Variants in KCNIP4 observed in about 807,000 individuals in gnomAD.
The protein encoded by KCNIP4 is potassium voltage-gated channel interacting protein 4, also known as Kv channel-interacting protein 4.
KCNIP4 carries 12 observed loss-of-function variants against 34.0 expected under a neutral mutation model. The ratio of observed to expected loss-of-function variants is 0.35; its 90% CI spans 0.23 to 0.57. The LOEUF (loss-of-function observed/expected upper bound fraction) is 0.57. Ranked by LOEUF, KCNIP4 falls within the 20% of genes least tolerant of loss-of-function variation. The pLI, the probability that KCNIP4 is intolerant of heterozygous loss-of-function variation, is 0.83. For missense variants in KCNIP4, 238 were observed against 311.7 expected, an observed-to-expected ratio of 0.76 and a Z score of 1.78; for synonymous variants, 124 against 102.2, an observed-to-expected ratio of 1.21 and a Z score of -1.29.
At chr4:21,420,446 G>A (rs1008263014) in intron 1 of KCNIP4, among the ~76,000 whole-genome samples, 10 of 152,088 alleles carry the variant, frequency 6.6e-5, no homozygotes, top group African/African-American at 1.4e-4. Flanking sequence ...CAGTCAGTAC[G>A]ATACATACAT....
intron 1 of KCNIP4, among the ~76,000 whole-genome samples, chr4:20,948,521 G>A (rs1163075706): frequency 6.6e-6 from 1 of 152,148 alleles, no homozygotes; most frequent in Non-Finnish European, 1.5e-5. Context: ...GAGCATCTTC[G>A]TTACACTCCT....
chr4:21,676,434 C>T (rs1269373305), intron 1 of KCNIP4, among the ~76,000 whole-genome samples: 1 of 152,190 alleles, frequency 6.6e-6, no homozygotes, highest in Non-Finnish European at 1.5e-5. Flanking sequence ...ATTGCCTCTC[C>T]ATTCTTGTTA....
chr4:21,844,627 A>G (rs1432369286), intron 1 of KCNIP4: 2 of 152,038 alleles, frequency 1.3e-5, no homozygotes, highest in Non-Finnish European at 2.9e-5. Flanking sequence ...AAGTCCATTG[A>G]TGAGGTGAAT....
At chr4:21,697,563 A>T in intron 1 of KCNIP4, 1 of 1,407,542 alleles carries the variant, frequency 7.1e-7, no homozygotes, top group South Asian at 1.7e-5. Context: ...CTGCCTTACA[A>T]CTCCTGTGGA....
intron 3 of KCNIP4, among the ~76,000 whole-genome samples, chr4:20,762,098 A>T (rs906211296): frequency 6.6e-6 from 1 of 152,202 alleles, no homozygotes; most frequent in African/African-American, 2.4e-5. Flanking sequence ...TTTATTTCTC[A>T]TAGTACTGGA....
intron 1 of KCNIP4, among the ~76,000 whole-genome samples, chr4:21,501,549 A>G (rs1014546267): frequency 1.3e-5 from 2 of 152,134 alleles, no homozygotes; most frequent in Non-Finnish European, 2.9e-5. Context: ...AAATTTTAAG[A>G]AATAGCGAGA....
At chr4:21,821,322 G>T (rs12642007) in intron 1 of KCNIP4, among the ~76,000 whole-genome samples, 58,009 of 151,764 alleles carry the variant, frequency 0.38, 12,647 homozygotes, top group Non-Finnish European at 0.51. Context: ...CCTCCTGTAG[G>T]TGCCATTGAG....
At chr4:20,738,554 T>C (rs918038723) in intron 5 of KCNIP4, among the ~76,000 whole-genome samples, 3 of 152,198 alleles carry the variant, frequency 2.0e-5, no homozygotes, top group Non-Finnish European at 2.9e-5. Flanking sequence ...ATCACTGGCA[T>C]TGACCTCACC....
chr4:20,742,626 C>G (rs1398791865), intron 5 of KCNIP4, among the ~76,000 whole-genome samples: 1 of 152,130 alleles, frequency 6.6e-6, no homozygotes, highest in Non-Finnish European at 1.5e-5. Flanking sequence ...TGGGCAAAAA[C>G]TGGACTCATT....
At chr4:20,872,988 T>C (rs865784674) in intron 2 of KCNIP4, among the ~76,000 whole-genome samples, 1 of 152,366 alleles carries the variant, frequency 6.6e-6, no homozygotes, top group Admixed American at 6.5e-5. Context: ...CTTATCTTGA[T>C]AAATTTCACC....
intron 1 of KCNIP4, among the ~76,000 whole-genome samples, chr4:21,311,875 T>C (rs192970861): frequency 1.1e-3 from 161 of 152,270 alleles, no homozygotes; most frequent in African/African-American, 3.8e-3. Context: ...CCTATCATCA[T>C]TTCCTTGAGG....
At chr4:21,824,624 A>G (rs181761749) in intron 1 of KCNIP4, among the ~76,000 whole-genome samples, 1 of 152,262 alleles carries the variant, frequency 6.6e-6, no homozygotes, top group Admixed American at 6.5e-5. Flanking sequence ...CCACAAAATT[A>G]TCATTTAAAA....
intron 1 of KCNIP4, among the ~76,000 whole-genome samples, chr4:21,068,341 A>G (rs1234919127): frequency 6.6e-6 from 1 of 152,098 alleles, no homozygotes; most frequent in Non-Finnish European, 1.5e-5. Context: ...GCTCTTTTGA[A>G]CTCATAAAGT....
intron 1 of KCNIP4, among the ~76,000 whole-genome samples, chr4:21,362,150 TGTCTA>T (rs1330310751): frequency 6.6e-6 from 1 of 152,184 alleles, no homozygotes; most frequent in Non-Finnish European, 1.5e-5. Context: ...CAGCTCCTGT[TGTCTA>T]GGGAAGACAA....
At chr4:21,639,691 A>G (rs918330323) in intron 1 of KCNIP4, among the ~76,000 whole-genome samples, 5 of 152,206 alleles carry the variant, frequency 3.3e-5, no homozygotes, top group Non-Finnish European at 7.3e-5. Context: ...ATTCCATTAT[A>G]GATAGATAGA....
intron 1 of KCNIP4, among the ~76,000 whole-genome samples, chr4:21,295,265 G>T (rs1172794481): frequency 6.6e-6 from 1 of 152,110 alleles, no homozygotes; most frequent in African/African-American, 2.4e-5. Flanking sequence ...AAGGAAGTCT[G>T]AAAATAAGTG....
intron 1 of KCNIP4, among the ~76,000 whole-genome samples, chr4:21,780,375 T>C (rs1205931831): frequency 6.6e-6 from 1 of 152,110 alleles, no homozygotes; most frequent in Non-Finnish European, 1.5e-5. Flanking sequence ...GTCCCATGAA[T>C]AATCAGCAAG....
At chr4:21,626,381 T>A (rs1395217681) in intron 1 of KCNIP4, among the ~76,000 whole-genome samples, 1 of 135,044 alleles carries the variant, frequency 7.4e-6, no homozygotes, top group Non-Finnish European at 1.7e-5. Context: ...AGAGAGCTTG[T>A]TTTTTTTGTT....
intron 1 of KCNIP4, among the ~76,000 whole-genome samples, chr4:21,486,607 G>C (rs184289896): frequency 2.8e-4 from 42 of 152,010 alleles, no homozygotes; most frequent in Admixed American, 6.6e-4. Context: ...AAATGACAAA[G>C]GTAATTTTCC....
Sources: gnomAD v4.1 joint callset for allele counts (sites outside exome capture counted in the v4.1 genomes callset) on GRCh38, gnomAD v4.1.1 for gene constraint, MANE v1.5 for transcripts, NCBI Gene and HGNC (gene_info 2026-07-23, HGNC 2026-07-21) for gene names.